The following BZW1 variants were observed in gnomAD, a reference collection of about 807,000 sequenced individuals.
BZW1 encodes the protein basic leucine zipper and W2 domains 1.
A neutral mutation model predicts 54.1 loss-of-function variants in BZW1; 3 were observed. The ratio of observed to expected loss-of-function variants is 0.06; its 90% CI spans 0.03 to 0.14. The LOEUF (loss-of-function observed/expected upper bound fraction) is 0.14, where lower values mean the gene tolerates loss of function less well. Among genes scored for constraint, BZW1 ranks in the 10% least tolerant of loss-of-function variants. The pLI is 1.00. For synonymous variants in BZW1, 152 were observed against 162.7 expected, an observed-to-expected ratio of 0.93 and a Z score of 0.50; for missense variants, 206 against 491.7, an observed-to-expected ratio of 0.42 and a Z score of 5.50.
At chr2:200,813,341 C>T (rs2038160494) in intron 2 of BZW1, 60 bp downstream of exon 2, 12 of 1,454,444 alleles carry the variant, frequency 8.3e-6, no homozygotes, top group Non-Finnish European at 9.6e-6. Context: ...TGTATCTTGC[C>T]TTCTCTGACA....
intron 8 of BZW1, 33 bp from the exon 9 acceptor site, chr2:200,818,722 G>A: frequency 6.4e-7 from 1 of 1,567,472 alleles, no homozygotes. Flanking sequence ...AATCAAAACT[G>A]ACTTCTGTTA....
At chr2:200,812,221 G>T in intron 1 of BZW1, 1 of 1,227,448 alleles carries the variant, frequency 8.1e-7, no homozygotes. Flanking sequence ...GCGCCGCGGC[G>T]CTGGCTGCGA....
In BZW1 at chr2:200,818,814, C is replaced by T. The variant is rs759729287; in HGVS notation, c.879C>T (p.Ile293=). ...ACAACATCCCAGAGCCAGTTGTCATCGGAATAGTCTGGTCAAGTGTAATGA... is the reference window on the plus strand; with the variant it reads ...ACAACATCCCAGAGCCAGTTGTCATTGGAATAGTCTGGTCAAGTGTAATGA... The part of the protein sequence containing the change: ...KKNNIPEPVV[I]GIVWSSVMST... The change falls in exon 9 of 12, where the codon ATC becomes ATT. Residue 293 remains isoleucine, a synonymous_variant. Coordinates refer to ENST00000409600, the MANE Select transcript of BZW1 (RefSeq NM_001207067.2). 7.5e-6 allele frequency: 12 copies of T among 1,599,414 alleles called. No individual in the cohort carries two copies. The Middle Eastern group carries it at 5.0e-4, about 66-fold the overall frequency.
chr2:200,822,053 A>G, intron 11 of BZW1, 94 bp from the exon 12 acceptor site: 1 of 1,206,392 alleles, frequency 8.3e-7, no homozygotes. Flanking sequence ...TGTGGGACAG[A>G]GGGAGACTCT....
At chr2:200,818,732 AC>A (rs770903929) in intron 8 of BZW1, 22 bp from the exon 9 acceptor site, 2 of 1,571,490 alleles carry the variant, frequency 1.3e-6, no homozygotes, top group Non-Finnish European at 1.7e-6. Context: ...GACTTCTGTT[AC>A]TAAATTTGGA....
chr2:200,823,670 ATTGT>A lies in BZW1; in HGVS notation c.*1494_*1497del, dbSNP rs1454167145. 1 of 152,386 alleles carries A rather than the reference ATTGT, an allele frequency of 6.6e-6. No homozygotes were observed. The highest frequency in any genetic ancestry group is 1.5e-5 in the Non-Finnish European group (1 of 67,982). 9.4% of individuals were successfully genotyped at this position (152,386 alleles called of 1,614,324 possible). A position where few individuals can be genotyped will look rare whatever the true frequency, so the allele number is the denominator to read the frequency against. ...AACCTTAAAAAGAACATTATAACTG[ATTGT>A]TGTGAATGGGGTGAATTTGTTAAAA... On this transcript the variant is annotated 3_prime_UTR_variant, in exon 12 of 12. Transcript: ENST00000409600.
chr2:200,813,253 A>C lies in BZW1; in HGVS notation c.36A>C (p.Ser12=), dbSNP rs1486844324. ...AAAAGCAGCAAAAGCCAACGCTATC[A>C]GGCCAGCGTTTTAAAACTAGAAAAA... The part of the protein sequence containing the change: ...NNQKQQKPTL[S]GQRFKTRKRD... The change falls in exon 2 of 12, where the codon TCA becomes TCC. Residue 12 remains serine (S), a synonymous_variant. Coordinates refer to ENST00000409600, the MANE Select transcript of BZW1 (RefSeq NM_001207067.2). 6.2e-7 allele frequency: 1 copy of C among 1,613,652 alleles called. No homozygotes were observed. Among genetic ancestry groups the C allele is most frequent in the Non-Finnish European group, 8.5e-7 (1 of 1,179,776 alleles).
chr2:200,812,599 G>T (rs1467990368), intron 1 of BZW1: 7 of 1,387,692 alleles, frequency 5.0e-6, no homozygotes, highest in Non-Finnish European at 6.6e-6. Context: ...CATGGGAAGG[G>T]TGTGGATTGG....
intron 2 of BZW1, among the ~76,000 whole-genome samples, chr2:200,813,559 C>T (rs568189402): frequency 6.6e-6 from 1 of 152,254 alleles, no homozygotes; most frequent in African/African-American, 2.4e-5. Context: ...AATAAGGGCT[C>T]TGTTTTCACT....
chr2:200,822,432 C>T lies in BZW1; in HGVS notation c.*254C>T, dbSNP rs547139039. The T allele has an allele frequency of 1.8e-3, 536 of 300,246 alleles. 2 individuals are homozygous for T. The highest frequency in any genetic ancestry group is 2.5e-3 in the Non-Finnish European group (436 of 176,822). The allele number at this position is 300,246 out of a possible 1,614,324, so 18.6% of individuals were successfully genotyped here. On this transcript the variant is annotated 3_prime_UTR_variant, in exon 12 of 12. Coordinates refer to ENST00000409600, the MANE Select transcript of BZW1 (RefSeq NM_001207067.2). ...CATTAGTCTTTTCAGTTATCTTCTA[C>T]CTCCTGTATTTTCTACTGTAATAAT...
intron 6 of BZW1, 132 bp downstream of exon 6, chr2:200,817,373 C>T: frequency 2.6e-6 from 3 of 1,169,374 alleles, no homozygotes; most frequent in Non-Finnish European, 3.6e-6. Context: ...TAAGTTCAGT[C>T]TAATTCACTA....
rs1559318418 is a variant in BZW1, at chr2:200,826,409, T to TAGATAGA, written c.*4231_*4232insAGATAGA. 64 of 35,248 alleles carry TAGATAGA rather than the reference T, an allele frequency of 1.8e-3. 1 individual carries two copies. Among genetic ancestry groups the TAGATAGA allele is most frequent in the Admixed American group, 9.0e-3 (33 of 3,680 alleles). 2.2% of individuals were successfully genotyped at this position (35,248 alleles called of 1,614,324 possible). A position where few individuals can be genotyped will look rare whatever the true frequency, so the allele number is the denominator to read the frequency against. On this transcript the variant is annotated 3_prime_UTR_variant, in exon 12 of 12. Coordinates refer to ENST00000409600, the MANE Select transcript of BZW1 (RefSeq NM_001207067.2). ...GATAGATAGATAGATAGATAGATAT[T>TAGATAGA]TTTTTTTTTTTTTTTTTTTTTTTTT...
chr2:200,814,964 ATAT>A (rs914313071), intron 2 of BZW1, among the ~76,000 whole-genome samples: 1 of 152,188 alleles, frequency 6.6e-6, no homozygotes, highest in Non-Finnish European at 1.5e-5. Flanking sequence ...TGTTTGTTTA[ATAT>A]TATGGACATT....
In BZW1 at chr2:200,824,691, G is replaced by C. The variant is rs1262218096; in HGVS notation, c.*2513G>C. On this transcript the variant is annotated 3_prime_UTR_variant, in exon 12 of 12. Coordinates refer to ENST00000409600, the MANE Select transcript of BZW1 (RefSeq NM_001207067.2). The stretch of plus-strand genomic sequence containing the variant: ...TTTAGGCTTTTTTTTTTTTTTTTTT[G>C]AGACGGAGTCTCGCTCTGTCACCAG... 2.8e-5 allele frequency: 1 copy of C among 35,284 alleles called. No individual in the cohort carries two copies. Among genetic ancestry groups the C allele is most frequent in the Non-Finnish European group, 5.5e-5 (1 of 18,280 alleles). The allele number at this position is 35,284 out of a possible 1,614,324, so 2.2% of individuals were successfully genotyped here. A position where few individuals can be genotyped will look rare whatever the true frequency, so the allele number is the denominator to read the frequency against.
At chr2:200,819,500 TGACATTTACTTG>T (rs530607093) in intron 9 of BZW1, among the ~76,000 whole-genome samples, 10 of 152,312 alleles carry the variant, frequency 6.6e-5, no homozygotes, top group Non-Finnish European at 7.4e-5. Context: ...TAATATTGTT[TGACATTTACTTG>T]GACTACTTGG....
chr2:200,817,330 A>G, intron 6 of BZW1, 89 bp downstream of exon 6: 1 of 1,467,702 alleles, frequency 6.8e-7, no homozygotes, highest in South Asian at 1.2e-5. Context: ...ACTTCTGTGA[A>G]AGTCTTCGTT....
In BZW1 at chr2:200,822,217, G is replaced by A; in HGVS notation, c.*39G>A. The A allele has an allele frequency of 6.6e-7, 1 of 1,524,370 alleles. No homozygotes were observed. The highest frequency in any genetic ancestry group is 2.3e-5 in the East Asian group (1 of 43,870). 94.4% of individuals were successfully genotyped at this position (1,524,370 alleles called of 1,614,324 possible). ...ACCCTCAGTAAAGCAAACAGGAGTTGTAGATAAAATGTCATGTCTCATGTG... is the reference window on the plus strand; with the variant it reads ...ACCCTCAGTAAAGCAAACAGGAGTTATAGATAAAATGTCATGTCTCATGTG... On this transcript the variant is annotated 3_prime_UTR_variant, in exon 12 of 12. Transcript: ENST00000409600.
chr2:200,812,291 G>C, intron 1 of BZW1: 1 of 1,232,552 alleles, frequency 8.1e-7, no homozygotes, highest in Non-Finnish European at 1.0e-6. Flanking sequence ...CAAAGCCGCC[G>C]CGGCCTCTGT....
chr2:200,813,235 G>A lies in BZW1; in HGVS notation c.18G>A (p.Gln6=). The change falls in exon 2 of 12, where the codon CAG becomes CAA. Residue 6 remains glutamine (Q), a synonymous_variant. Coordinates refer to ENST00000409600, the MANE Select transcript of BZW1 (RefSeq NM_001207067.2). ...TGTCTTTTATGAATAATCAAAAGCAGCAAAAGCCAACGCTATCAGGCCAGC... is the reference window on the plus strand; with the variant it reads ...TGTCTTTTATGAATAATCAAAAGCAACAAAAGCCAACGCTATCAGGCCAGC... The part of the protein sequence containing the change: MNNQK[Q]QKPTLSGQRF... 2 of 1,613,564 alleles carry A rather than the reference G, an allele frequency of 1.2e-6. No individual in the cohort carries two copies. The highest frequency in any genetic ancestry group is 1.7e-4 in the Middle Eastern group (1 of 6,050).
Sources: allele counts gnomAD v4.1 joint callset (sites outside exome capture counted in the v4.1 genomes callset), GRCh38; gene constraint gnomAD v4.1.1; transcripts MANE v1.5; gene names NCBI Gene and HGNC (gene_info 2026-07-23, HGNC 2026-07-21).